RGPD2: variants seen among roughly 807,000 people sequenced by gnomAD.
RGPD2 encodes the protein RANBP2-like and GRIP domain-containing protein 2.
In RGPD2, 2 loss-of-function variants were observed where a neutral mutation model predicts 36.0. The ratio of observed to expected loss-of-function variants is 0.06; its 90% CI spans 0.02 to 0.17. The LOEUF (loss-of-function observed/expected upper bound fraction) is 0.17, where lower values mean the gene tolerates loss of function less well. Among genes scored for constraint, RGPD2 ranks in the 10% least tolerant of loss-of-function variants. The probability of loss-of-function intolerance (pLI) is 1.00; values close to 1 mark genes in which losing one functional copy is unlikely to be tolerated. For missense variants in RGPD2, 40 were observed against 464.3 expected, an observed-to-expected ratio of 0.09 and a Z score of 8.40; for synonymous variants, 19 against 163.8, an observed-to-expected ratio of 0.12 and a Z score of 6.75.
chr2:87,907,504 A>G, the RGPD2 span, among the ~76,000 whole-genome samples: 1 of 23,154 alleles, frequency 4.3e-5, no homozygotes, highest in Middle Eastern at 0.019. Flanking sequence ...GACAAGTTAC[A>G]TGAGTCACTT....
the RGPD2 span, among the ~76,000 whole-genome samples, chr2:87,960,161 A>C: frequency 6.6e-6 from 1 of 151,944 alleles, no homozygotes; most frequent in Non-Finnish European, 1.5e-5. Flanking sequence ...TATTTTTTAT[A>C]TATTCTTTTT....
At chr2:87,834,859 A>T in the RGPD2 span, among the ~76,000 whole-genome samples, 1 of 151,592 alleles carries the variant, frequency 6.6e-6, no homozygotes, top group South Asian at 2.1e-4. Context: ...AAAGACCTAT[A>T]ATGCAGAAAA....
chr2:87,840,675 C>G, the RGPD2 span, among the ~76,000 whole-genome samples: 1 of 149,382 alleles, frequency 6.7e-6, no homozygotes, highest in Non-Finnish European at 1.5e-5. Flanking sequence ...GTGAGGAATT[C>G]ACTGCAAAGA....
At chr2:87,825,487 G>A (rs1204031534) in intron 1 of RGPD2, among the ~76,000 whole-genome samples, 171 bp downstream of exon 1, 1 of 66,472 alleles carries the variant, frequency 1.5e-5, no homozygotes, top group African/African-American at 5.4e-5. Context: ...CGCCGCCGCC[G>A]CCGCCCGGCC....
intron 22 of RGPD2, among the ~76,000 whole-genome samples, chr2:87,769,381 T>A (rs1426816032): frequency 6.6e-6 from 1 of 152,066 alleles, no homozygotes; most frequent in African/African-American, 2.4e-5. Flanking sequence ...AAGAGACAAG[T>A]AGGAAATAAT....
the RGPD2 span, among the ~76,000 whole-genome samples, chr2:87,897,626 CA>C: frequency 6.6e-6 from 1 of 150,940 alleles, no homozygotes; most frequent in Non-Finnish European, 1.5e-5. Flanking sequence ...CTCTCTCCCC[CA>C]ACAGTCTCCC....
chr2:87,923,534 G>A, the RGPD2 span, among the ~76,000 whole-genome samples: 1 of 152,020 alleles, frequency 6.6e-6, no homozygotes, highest in African/African-American at 2.4e-5. Context: ...CTCACCGTAT[G>A]GTACACTGGA....
chr2:87,952,738 C>A, the RGPD2 span, among the ~76,000 whole-genome samples: 1 of 152,094 alleles, frequency 6.6e-6, no homozygotes, highest in African/African-American at 2.4e-5. Context: ...TAATTTACAC[C>A]GAAATTTCAA....
At chr2:87,824,848 CAGGCCG>C (rs1304097752) in intron 1 of RGPD2, 4 of 101,850 alleles carry the variant, frequency 3.9e-5, no homozygotes, top group African/African-American at 7.5e-5. Flanking sequence ...GCCGCCCGGC[CAGGCCG>C]AGGCCGAGGC....
the RGPD2 span, among the ~76,000 whole-genome samples, chr2:87,875,676 T>C: frequency 5.9e-5 from 9 of 152,194 alleles, no homozygotes; most frequent in South Asian, 1.4e-3. Flanking sequence ...GTTTTTGTTG[T>C]TGTTGTTGTT....
chr2:87,849,513 G>A, the RGPD2 span, among the ~76,000 whole-genome samples: 1 of 150,508 alleles, frequency 6.6e-6, no homozygotes, highest in Admixed American at 6.6e-5. Context: ...ATATGGACAA[G>A]TGTATTCAGA....
At chr2:87,784,973 TA>T (rs1685536619) in intron 19 of RGPD2, 101 bp downstream of exon 19, 1 of 488,134 alleles carries the variant, frequency 2.0e-6, no homozygotes, top group Non-Finnish European at 3.5e-6. Context: ...TTAAGGGACA[TA>T]AAAGTTTTAA....
the RGPD2 span, among the ~76,000 whole-genome samples, chr2:87,883,565 C>T: frequency 1.3e-5 from 2 of 151,648 alleles, no homozygotes; most frequent in African/African-American, 4.8e-5. Context: ...ATGCTGCCTA[C>T]AATAGACTCA....
chr2:87,867,741 G>A, the RGPD2 span, among the ~76,000 whole-genome samples: 12 of 149,740 alleles, frequency 8.0e-5, no homozygotes, highest in South Asian at 2.1e-4. Context: ...ATTTGTGGAC[G>A]TCAAACTCTT....
chr2:87,763,338 T>C (rs1684952774), intron 22 of RGPD2, among the ~76,000 whole-genome samples: 1 of 150,400 alleles, frequency 6.6e-6, no homozygotes, highest in Non-Finnish European at 1.5e-5. Context: ...TTTGTATTTT[T>C]AGTAGAGACG....
the RGPD2 span, among the ~76,000 whole-genome samples, chr2:87,884,229 T>G: frequency 6.6e-6 from 1 of 151,750 alleles, no homozygotes; most frequent in Non-Finnish European, 1.5e-5. Flanking sequence ...AACAGGAAAT[T>G]TAAATAATAT....
At chr2:87,957,924 A>G in the RGPD2 span, among the ~76,000 whole-genome samples, 1 of 152,304 alleles carries the variant, frequency 6.6e-6, no homozygotes, top group Non-Finnish European at 1.5e-5. Context: ...TGCACTAAGT[A>G]TATACTGTGA....
chr2:87,957,599 A>G, the RGPD2 span, among the ~76,000 whole-genome samples: 1 of 152,164 alleles, frequency 6.6e-6, no homozygotes, highest in Admixed American at 6.6e-5. Flanking sequence ...CCATTCATGA[A>G]GATTCCACTC....
At chr2:87,989,563 C>G in the RGPD2 span, 2 of 408,674 alleles carry the variant, frequency 4.9e-6, no homozygotes, top group Admixed American at 4.5e-5. Context: ...TAAAATAGTG[C>G]CAAAAAATGA....
Sources: gnomAD v4.1 joint callset for allele counts (sites outside exome capture counted in the v4.1 genomes callset) on GRCh38, gnomAD v4.1.1 for gene constraint, MANE v1.5 for transcripts, NCBI Gene and HGNC (gene_info 2026-07-23, HGNC 2026-07-21) for gene names.